The following GALNT15 variants were observed in gnomAD, a reference collection of about 807,000 sequenced individuals.
The protein encoded by GALNT15 is UDP-GalNAc transferase T15.
In GALNT15, 67 loss-of-function variants were observed where a neutral mutation model predicts 66.8. That is an observed-to-expected ratio of 1.00 (90% CI 0.82 to 1.23). The LOEUF (loss-of-function observed/expected upper bound fraction) is 1.23. Among genes scored for constraint, GALNT15 ranks in the 50% most tolerant of loss-of-function variants. The pLI, the probability that GALNT15 is intolerant of heterozygous loss-of-function variation, is 0.00. For synonymous variants in GALNT15, 313 were observed against 311.5 expected (o/e 1.00, Z -0.05); for missense variants, 827 against 804.3 (o/e 1.03, Z -0.34).
intron 1 of GALNT15, among the ~76,000 whole-genome samples, chr3:16,185,826 C>T (rs1187805942): frequency 6.6e-6 from 1 of 152,074 alleles, no homozygotes; most frequent in Admixed American, 6.5e-5. Context: ...CAGCTATTTG[C>T]CGTGTAACTT....
In GALNT15 at chr3:16,203,543, T is replaced by TCTCTCACACACACA. The variant is rs1491187404; in HGVS notation, c.911+2721_911+2722insTCTCACACACACAC. 8.2e-5 allele frequency among the ~76,000 whole-genome samples: 5 copies of TCTCTCACACACACA among 61,164 alleles called. No individual in the cohort carries two copies. The highest frequency in any genetic ancestry group is 2.7e-4 in the African/African-American group (5 of 18,316). The allele number at this position is 61,164 out of a possible 152,430, so 40.1% of individuals were successfully genotyped here. ...CATTCTCTCTCTCTCTCTCTCTCTCTCACACACACACACACACACACACAC... is the reference window on the plus strand; with the variant it reads ...CATTCTCTCTCTCTCTCTCTCTCTCTCTCTCACACACACACACACACACACACACACACACACAC... On this transcript the variant is annotated intron_variant, in intron 3 of 9. Transcript: ENST00000339732. The surrounding 1 kb of genome is among the most constrained non-coding windows in gnomAD (Gnocchi z 6.2).
rs894577244 is a variant in GALNT15, at chr3:16,200,995, T to C, written c.911+172T>C. On this transcript the variant is annotated intron_variant, in intron 3 of 9. Coordinates refer to ENST00000339732, the MANE Select transcript of GALNT15 (RefSeq NM_054110.5). This position sits in a 1 kb window ranked among gnomAD's most constrained non-coding sequence, Gnocchi z 4.4. ...GTTTTTTAAGACTATAGAGTTAGAGTTGGAAAGGAGGTTAGAGGTCTTCAT... is the reference window on the plus strand; with the variant it reads ...GTTTTTTAAGACTATAGAGTTAGAGCTGGAAAGGAGGTTAGAGGTCTTCAT... Among the ~76,000 whole-genome samples the C allele has an allele frequency of 6.6e-6, 1 of 151,516 alleles. No individual in the cohort carries two copies. Among genetic ancestry groups the C allele is most frequent in the Non-Finnish European group, 1.5e-5 (1 of 67,982 alleles).
intron 5 of GALNT15, 66 bp from the exon 6 acceptor site, chr3:16,212,503 G>T: frequency 6.8e-7 from 1 of 1,466,562 alleles, no homozygotes; most frequent in South Asian, 1.3e-5. Flanking sequence ...CATAGATAGG[G>T]CTCCCTATTT....
chr3:16,175,206 C>G lies in GALNT15; in HGVS notation c.55C>G (p.Leu19Val), dbSNP rs756489261. Residue 19 changes from leucine to valine, a missense_variant, in exon 1 of 10, where the codon CTG becomes GTG. Coordinates refer to ENST00000339732, the MANE Select transcript of GALNT15 (RefSeq NM_054110.5). The surrounding 1 kb of genome is among the most constrained non-coding windows in gnomAD (Gnocchi z 5.6). ...HRPCRLQFLLLLLMLGCVLMM... is the reference protein window; with the variant it reads ...HRPCRLQFLLVLLMLGCVLMM... ...ACCATGCAGACTCCAGTTCCTCCTG[C>G]TGCTCCTGATGCTGGGATGCGTCCT... 5 of 1,614,096 alleles carry G rather than the reference C, an allele frequency of 3.1e-6. No homozygotes were observed. In the African/African-American group the frequency reaches 6.7e-5, roughly 22 times the overall value.
At chr3:16,243,541 A>G in the GALNT15 span, among the ~76,000 whole-genome samples, 1 of 152,334 alleles carries the variant, frequency 6.6e-6, no homozygotes, top group Non-Finnish European at 1.5e-5. Flanking sequence ...CCTCTGGGTG[A>G]TCAAAGTTAG....
At chr3:16,238,193 C>A in the GALNT15 span, among the ~76,000 whole-genome samples, 3 of 152,040 alleles carry the variant, frequency 2.0e-5, no homozygotes, top group Admixed American at 2.0e-4. This position sits in a 1 kb window ranked among gnomAD's most constrained non-coding sequence, Gnocchi z 4.8. Flanking sequence ...GGAGAAAAAA[C>A]CAGGAGTTAG....
rs761443898 is a variant in GALNT15 at position 16,198,317 on chromosome 3, G to T, written c.707-2302G>T. Among the ~76,000 whole-genome samples the T allele has an allele frequency of 6.8e-4, 95 of 140,330 alleles. 9 individuals are homozygous for T. The highest frequency in any genetic ancestry group is 2.3e-4 in the Non-Finnish European group (15 of 63,908). The allele number at this position is 140,330 out of a possible 152,430, so 92.1% of individuals were successfully genotyped here. On this transcript the variant is annotated intron_variant, in intron 2 of 9. Transcript: ENST00000339732. The stretch of plus-strand genomic sequence containing the variant: ...TCAAATAGGGAAAAGGCGAAGAAGA[G>T]ATAGGCAGAGGCCAGTCCGGTTTGT...
chr3:16,233,158 C>T (rs774778058), downstream of GALNT15, among the ~76,000 whole-genome samples: 2 of 131,596 alleles, frequency 1.5e-5, no homozygotes, highest in Non-Finnish European at 3.1e-5. Flanking sequence ...TGCAGTGGCA[C>T]GATCTTGATT....
In GALNT15 at chr3:16,222,196, G is replaced by A. The variant is rs76898108; in HGVS notation, c.1630-419G>A. On this transcript the variant is annotated intron_variant, in intron 8 of 9. Coordinates refer to ENST00000339732, the MANE Select transcript of GALNT15 (RefSeq NM_054110.5). Reference sequence around the variant, plus strand: ...TAGAGGAAACAATAACCATGAGTGAGAGCCAGCAGATACAACAAACGGCAG... The same window carrying A: ...TAGAGGAAACAATAACCATGAGTGAAAGCCAGCAGATACAACAAACGGCAG... Among the ~76,000 whole-genome samples the A allele has an allele frequency of 7.2e-4, 109 of 152,304 alleles. 1 individual carries two copies. In the East Asian group the frequency reaches 0.019, roughly 27 times the overall value.
chr3:16,229,360 A>G lies in GALNT15; in HGVS notation c.*1860A>G. On this transcript the variant is annotated 3_prime_UTR_variant, in exon 10 of 10. Transcript: ENST00000339732. Reference sequence around the variant, plus strand: ...AGAAAATTTAAAACTCAATTCCTCAATTGGGCTGGCCACATTTCAAATGCT... The same window carrying G: ...AGAAAATTTAAAACTCAATTCCTCAGTTGGGCTGGCCACATTTCAAATGCT... The G allele has an allele frequency of 9.3e-6, 8 of 855,730 alleles. No individual in the cohort carries two copies. Among genetic ancestry groups the G allele is most frequent in the Non-Finnish European group, 1.1e-5 (8 of 711,872 alleles). The allele number at this position is 855,730 out of a possible 1,614,324, so 53.0% of individuals were successfully genotyped here.
chr3:16,237,531 C>G, the GALNT15 span, among the ~76,000 whole-genome samples: 6 of 152,180 alleles, frequency 3.9e-5, no homozygotes, highest in Non-Finnish European at 8.8e-5. This position sits in a 1 kb window ranked among gnomAD's most constrained non-coding sequence, Gnocchi z 4.2. Flanking sequence ...TGCTGCTGAC[C>G]CCAGCTATTA....
chr3:16,175,755 G>A lies in GALNT15; in HGVS notation c.539+65G>A. ...CATGATCGGGTGGTAGCAAACTCGG[G>A]AATGCAAACTTTCCGTAGCCTGCCT... On this transcript the variant is annotated intron_variant, in intron 1 of 9. Transcript: ENST00000339732. This position sits in a 1 kb window ranked among gnomAD's most constrained non-coding sequence, Gnocchi z 5.6. The A allele has an allele frequency of 1.4e-6, 2 of 1,425,080 alleles. No individual in the cohort carries two copies. The highest frequency in any genetic ancestry group is 1.4e-5 in the South Asian group (1 of 71,472). 88.3% of individuals were successfully genotyped at this position (1,425,080 alleles called of 1,614,324 possible). A position where few individuals can be genotyped will look rare whatever the true frequency, so the allele number is the denominator to read the frequency against.
rs1574980721 is a variant in GALNT15 at position 16,200,698 on chromosome 3, T to G, written c.786T>G (p.Gly262=). The stretch of plus-strand genomic sequence containing the variant: ...TACTCAGGAGCAACAAGAGGCTGGG[T>G]GCCATCAGGGCCCGGATGCTGGGGG... ...VKLLRSNKRL[G]AIRARMLGAT... The change falls in exon 3 of 10, where the codon GGT becomes GGG. Residue 262 remains glycine (G), a synonymous_variant. Transcript: ENST00000339732. This position sits in a 1 kb window ranked among gnomAD's most constrained non-coding sequence, Gnocchi z 4.4. 6.2e-7 allele frequency: 1 copy of G among 1,610,530 alleles called. No homozygotes were observed. The highest frequency in any genetic ancestry group is 1.3e-5 in the African/African-American group (1 of 74,688).
intron 1 of GALNT15, among the ~76,000 whole-genome samples, chr3:16,194,760 T>G (rs745911428): frequency 6.6e-6 from 1 of 152,050 alleles, no homozygotes; most frequent in Non-Finnish European, 1.5e-5. Flanking sequence ...TGTTCTCACT[T>G]ATAAGTGGGA....
In GALNT15 at chr3:16,227,631, T is replaced by C. The variant is rs772483612; in HGVS notation, c.*131T>C. ...TCCTGGTGTTAGGAGAGAAAAAAGC[T>C]CTATGAAAGAATATAGGAAGTTTCT... On this transcript the variant is annotated 3_prime_UTR_variant, in exon 10 of 10. Transcript: ENST00000339732. This position sits in a 1 kb window ranked among gnomAD's most constrained non-coding sequence, Gnocchi z 4.5. The C allele has an allele frequency of 6.6e-7, 1 of 1,522,664 alleles. No individual in the cohort carries two copies. The allele number at this position is 1,522,664 out of a possible 1,614,324, so 94.3% of individuals were successfully genotyped here.
Position 16,195,484 on chromosome 3 carries a change from C to A in GALNT15, c.540-276C>A, listed in dbSNP as rs2063622201. ...TTCTCATTTTACAGATGAGGACAGT[C>A]ATTTGCTGAGGATGACGGCAACGCT... On this transcript the variant is annotated intron_variant, in intron 1 of 9. Coordinates refer to ENST00000339732, the MANE Select transcript of GALNT15 (RefSeq NM_054110.5). This position sits in a 1 kb window ranked among gnomAD's most constrained non-coding sequence, Gnocchi z 4.6. Among the ~76,000 whole-genome samples, 2 of 152,158 alleles carry A rather than the reference C, an allele frequency of 1.3e-5. No individual in the cohort carries two copies. The highest frequency in any genetic ancestry group is 6.5e-5 in the Admixed American group (1 of 15,284).
chr3:16,224,893 TC>T lies in GALNT15; in HGVS notation c.1773+2138del, dbSNP rs1291686038. On this transcript the variant is annotated intron_variant, in intron 9 of 9. Coordinates refer to ENST00000339732, the MANE Select transcript of GALNT15 (RefSeq NM_054110.5). This position sits in a 1 kb window ranked among gnomAD's most constrained non-coding sequence, Gnocchi z 5.2. ...ATCAGGTAATCTGCCTGCCTCGGCC[TC>T]CCAAAGTGCTGGGATTACAAGTGTG... Among the ~76,000 whole-genome samples the T allele has an allele frequency of 2.0e-5, 3 of 152,146 alleles. No individual in the cohort carries two copies. Among genetic ancestry groups the T allele is most frequent in the Non-Finnish European group, 1.5e-5 (1 of 68,030 alleles).
rs1030827068 is a variant in GALNT15, at chr3:16,227,147, A to G, written c.1774-207A>G. Among the ~76,000 whole-genome samples, 9 of 152,254 alleles carry G rather than the reference A, an allele frequency of 5.9e-5. No homozygotes were observed. The highest frequency in any genetic ancestry group is 1.0e-4 in the Non-Finnish European group (7 of 68,042). On this transcript the variant is annotated intron_variant, in intron 9 of 9. Coordinates refer to ENST00000339732, the MANE Select transcript of GALNT15 (RefSeq NM_054110.5). This position sits in a 1 kb window ranked among gnomAD's most constrained non-coding sequence, Gnocchi z 4.5. ...CAACTACAATAAAGATAATTGGATTAGTTACCCCTAAGGTTTTGAGTGACA... is the reference window on the plus strand; with the variant it reads ...CAACTACAATAAAGATAATTGGATTGGTTACCCCTAAGGTTTTGAGTGACA...
rs1175915250 is a variant in GALNT15 at position 16,186,527 on chromosome 3, G to T, written c.540-9233G>T. ...ATTAGTCATAATATAAGTCAAAATA[G>T]GAGCAATCCAAATGTCCATCAGCTG... On this transcript the variant is annotated intron_variant, in intron 1 of 9. Transcript: ENST00000339732. This position sits in a 1 kb window ranked among gnomAD's most constrained non-coding sequence, Gnocchi z 5.1. Among the ~76,000 whole-genome samples the T allele has an allele frequency of 1.3e-5, 2 of 152,126 alleles. No homozygotes were observed.
Sources: gnomAD v4.1 joint callset for allele counts (sites outside exome capture counted in the v4.1 genomes callset) on GRCh38, gnomAD v4.1.1 for gene constraint, Gnocchi (gnomAD v3.1) non-coding constraint, MANE v1.5 for transcripts, NCBI Gene and HGNC (gene_info 2026-07-23, HGNC 2026-07-21) for gene names.